The following COL18A1 variants were observed in gnomAD, a reference collection of about 807,000 sequenced individuals.
The protein encoded by COL18A1 is collagen type XVIII alpha 1 chain.
In COL18A1, 133 loss-of-function variants were observed where a neutral mutation model predicts 168.0. The observed-to-expected ratio is 0.79, with a 90% confidence interval of 0.69 to 0.91. COL18A1 has a LOEUF of 0.91. Ranked by LOEUF, COL18A1 falls within the 40% of genes least tolerant of loss-of-function variation. The probability of loss-of-function intolerance (pLI) is 0.00; values close to 1 mark genes in which losing one functional copy is unlikely to be tolerated. For synonymous variants in COL18A1, 949 were observed against 809.0 expected (o/e 1.17, Z -2.94); for missense variants, 2,126 against 1,925.4 (o/e 1.10, Z -1.95).
chr21:45,496,873 G>A (rs1298593272), intron 30 of COL18A1, among the ~76,000 whole-genome samples, 177 bp from the exon 31 acceptor site: 2 of 152,232 alleles, frequency 1.3e-5, no homozygotes, highest in Non-Finnish European at 2.9e-5. Flanking sequence ...GGGCCAAGTG[G>A]CGTCAGGCCG....
chr21:45,490,956 C>G, intron 21 of COL18A1, 85 bp downstream of exon 21: 1 of 1,297,272 alleles, frequency 7.7e-7, no homozygotes. Context: ...CAGGTCCGTG[C>G]CCCTGCTGCC....
Position 45,468,602 on chromosome 21 carries a change from C to A in COL18A1, c.467C>A (p.Pro156His), listed in dbSNP as rs369275624. The change falls in exon 3 of 42, where the codon CCC (proline) becomes CAC (histidine). Residue 156 changes from proline to histidine, a missense_variant. Pro to His is a moderately conservative substitution (Grantham distance 77). Transcript: ENST00000651438. ...QTHTAASFRL[P>H]AFVGQWTHLA... ...CACACAGCCGCCAGCTTCCGGCTCC[C>A]CGCCTTCGTCGGCCAGTGGACACAC... 2 of 1,613,720 alleles carry A rather than the reference C, an allele frequency of 1.2e-6. No homozygotes were observed. The highest frequency in any genetic ancestry group is 1.7e-6 in the Non-Finnish European group (2 of 1,180,032).
intron 26 of COL18A1, 193 bp from the exon 27 acceptor site, chr21:45,494,352 T>A: frequency 1.4e-6 from 1 of 704,792 alleles, no homozygotes; most frequent in Non-Finnish European, 2.4e-6. Context: ...CAGTGGCTCC[T>A]GTCCTCCCCA....
chr21:45,438,210 A>T (rs1411349091), intron 2 of COL18A1, among the ~76,000 whole-genome samples: 16 of 114,874 alleles, frequency 1.4e-4, no homozygotes, highest in Admixed American at 9.0e-4. Flanking sequence ...TCTCCTGCAC[A>T]CACACACTCA....
intron 32 of COL18A1, among the ~76,000 whole-genome samples, chr21:45,503,223 C>CCG (rs2036960613): frequency 6.6e-6 from 1 of 152,226 alleles, no homozygotes; most frequent in African/African-American, 2.4e-5. Flanking sequence ...TACATCCTCT[C>CCG]CGGCACCTGT....
rs528097987 is a variant in COL18A1, at chr21:45,495,297, C to T, written c.2434-61C>T. The stretch of plus-strand genomic sequence containing the variant: ...CGTGGGGCTAACGGCAGGCACCCTG[C>T]GGGAAGGTGTCTGGTAATCATCAGT... On this transcript the variant is annotated intron_variant, in intron 28 of 41. Coordinates refer to ENST00000651438, the MANE Select transcript of COL18A1 (RefSeq NM_001379500.1). 457 of 1,417,936 alleles carry T rather than the reference C, an allele frequency of 3.2e-4. 4 individuals carry two copies. The South Asian group carries it at 4.4e-3, about 14-fold the overall frequency. 87.8% of individuals were successfully genotyped at this position (1,417,936 alleles called of 1,614,324 possible).
chr21:45,425,365 C>T lies in COL18A1; in HGVS notation c.106+19892C>T, dbSNP rs2033765153. 6.6e-6 allele frequency among the ~76,000 whole-genome samples: 1 copy of T among 152,222 alleles called. No individual in the cohort carries two copies. Among genetic ancestry groups the T allele is most frequent in the Non-Finnish European group, 1.5e-5 (1 of 68,040 alleles). ...TGTCAGAGCCCCAGACTGGGCTCCC[C>T]TGGAGGACCCTGGTGCTGACACAGA... On this transcript the variant is annotated intron_variant, in intron 2 of 41. Transcript: ENST00000651438. The surrounding 1 kb of genome is among the most constrained non-coding windows in gnomAD (Gnocchi z 4.1).
chr21:45,507,750 C>G (rs1334989872), intron 38 of COL18A1, among the ~76,000 whole-genome samples, 157 bp downstream of exon 38: 8 of 152,302 alleles, frequency 5.3e-5, no homozygotes, highest in Admixed American at 3.9e-4. Context: ...GTGCAGGACA[C>G]CCCACTACCT....
chr21:45,487,543 G>T (rs1042734134), intron 17 of COL18A1, 34 bp downstream of exon 17: 2 of 1,610,436 alleles, frequency 1.2e-6, no homozygotes, highest in Admixed American at 3.3e-5. Context: ...CCGGCTCTGA[G>T]GGGTAAGGGG....
At chr21:45,431,661 G>A (rs1482986285) in intron 2 of COL18A1, among the ~76,000 whole-genome samples, 1 of 152,026 alleles carries the variant, frequency 6.6e-6, no homozygotes, top group Admixed American at 6.5e-5. Context: ...CCCCCGGAAA[G>A]TGGTGATGTT....
chr21:45,439,648 T>A (rs2034314513), intron 2 of COL18A1, among the ~76,000 whole-genome samples: 1 of 152,182 alleles, frequency 6.6e-6, no homozygotes, highest in African/African-American at 2.4e-5. Flanking sequence ...GCGCGGGGCC[T>A]CCGGGTCTGC....
chr21:45,456,135 G>A, intron 2 of COL18A1: 4 of 1,583,948 alleles, frequency 2.5e-6, no homozygotes, highest in African/African-American at 2.7e-5. Context: ...GGCAGGCCCT[G>A]GGCACCACTC....
chr21:45,511,185 C>T lies in COL18A1; in HGVS notation c.3768C>T (p.Ile1256=). ...SEGPLKPGAR[I]FSFDGKDVLR... ...GTCCGCTGAAGCCCGGGGCACGCATCTTCTCCTTTGACGGCAAGGACGTCC... is the reference window on the plus strand; with the variant it reads ...GTCCGCTGAAGCCCGGGGCACGCATTTTCTCCTTTGACGGCAAGGACGTCC... Residue 1256 remains isoleucine, a synonymous_variant, in exon 41 of 42, where the codon ATC becomes ATT. Transcript: ENST00000651438. 6.2e-7 allele frequency: 1 copy of T among 1,600,110 alleles called. No homozygotes were observed. The highest frequency in any genetic ancestry group is 8.5e-7 in the Non-Finnish European group (1 of 1,173,216).
In COL18A1 at chr21:45,443,668, A is replaced by G. The variant is rs1333592386; in HGVS notation, c.107-24574A>G. 6.6e-6 allele frequency among the ~76,000 whole-genome samples: 1 copy of G among 152,150 alleles called. No homozygotes were observed. The highest frequency in any genetic ancestry group is 2.4e-5 in the African/African-American group (1 of 41,436). ...GGGTGGTCCTGTACCTGTCTGTCAC[A>G]TCCCGGGCTGCAGCCGGGTCCCCAG... is the stretch of plus-strand genomic sequence containing the variant. On this transcript the variant is annotated intron_variant, in intron 2 of 41. Coordinates refer to ENST00000651438, the MANE Select transcript of COL18A1 (RefSeq NM_001379500.1). This position sits in a 1 kb window ranked among gnomAD's most constrained non-coding sequence, Gnocchi z 5.2.
chr21:45,492,469 G>C (rs566704982), intron 22 of COL18A1, 66 bp from the exon 23 acceptor site: 16 of 1,579,398 alleles, frequency 1.0e-5, no homozygotes, highest in Non-Finnish European at 1.4e-5. Flanking sequence ...TCTGTAAGTC[G>C]CTCGAGTCCA....
In COL18A1 at chr21:45,456,047, G is replaced by T. The variant is rs62000960; in HGVS notation, c.107-12195G>T. 69 of 1,607,808 alleles carry T rather than the reference G, an allele frequency of 4.3e-5. No individual in the cohort carries two copies. In the South Asian group the frequency reaches 7.1e-4, roughly 17 times the overall value. On this transcript the variant is annotated intron_variant, in intron 2 of 41. Coordinates refer to ENST00000651438, the MANE Select transcript of COL18A1 (RefSeq NM_001379500.1). ...TGGGACCACTCTCTGGCCCAGCCGT[G>T]GCATTCCTAGCTCTCCGGGCGCCCA...
chr21:45,416,228 A>T (rs1007178840), intron 2 of COL18A1, among the ~76,000 whole-genome samples: 2 of 152,170 alleles, frequency 1.3e-5, no homozygotes, highest in African/African-American at 2.4e-5. Flanking sequence ...TCTGAGGTCC[A>T]TCTTGGTCAG....
chr21:45,475,075 A>G (rs980392739), intron 4 of COL18A1, among the ~76,000 whole-genome samples: 1 of 152,192 alleles, frequency 6.6e-6, no homozygotes, highest in African/African-American at 2.4e-5. Flanking sequence ...TAAAACATCC[A>G]GCCGCCTTGG....
At chr21:45,464,551 C>G (rs545254368) in intron 2 of COL18A1, among the ~76,000 whole-genome samples, 2 of 152,306 alleles carry the variant, frequency 1.3e-5, no homozygotes, top group East Asian at 3.9e-4. Context: ...GTGGCTTAAA[C>G]CAACACAGCT....
Sources: gnomAD v4.1 joint callset for allele counts (sites outside exome capture counted in the v4.1 genomes callset) on GRCh38, gnomAD v4.1.1 for gene constraint, Gnocchi (gnomAD v3.1) non-coding constraint, MANE v1.5 for transcripts, NCBI Gene and HGNC (gene_info 2026-07-23, HGNC 2026-07-21) for gene names.